The following NKAIN3 variants were observed in gnomAD, a reference collection of about 807,000 sequenced individuals.
NKAIN3 encodes the protein sodium/potassium-transporting ATPase subunit beta-1-interacting protein 3.
Under a neutral mutation model 30.2 loss-of-function variants are expected in NKAIN3, and 25 were observed. The observed-to-expected ratio is 0.83, with a 90% CI of 0.60 to 1.16. NKAIN3 has a LOEUF of 1.16. NKAIN3 is among the 50% of genes most tolerant of loss of function. NKAIN3 has a pLI of 0.00. For synonymous variants in NKAIN3, 91 were observed against 89.6 expected (o/e 1.02, Z -0.09); for missense variants, 225 against 254.1 (o/e 0.89, Z 0.78).
At chr8:62,655,797 C>G (rs1286783329) in intron 3 of NKAIN3, among the ~76,000 whole-genome samples, 1 of 151,768 alleles carries the variant, frequency 6.6e-6, no homozygotes, top group African/African-American at 2.4e-5. Context: ...ATTTTGGTGT[C>G]CAAACAACAG....
chr8:62,467,006 A>G (rs1806184009), intron 1 of NKAIN3, among the ~76,000 whole-genome samples: 1 of 152,140 alleles, frequency 6.6e-6, no homozygotes, highest in African/African-American at 2.4e-5. Context: ...TCCATGGCCT[A>G]ACAATGGGCT....
intron 6 of NKAIN3, among the ~76,000 whole-genome samples, chr8:62,963,246 A>T (rs890038734): frequency 6.6e-6 from 1 of 152,140 alleles, no homozygotes; most frequent in African/African-American, 2.4e-5. Flanking sequence ...CAGGTTTGCC[A>T]ATAGGTTTTC....
intron 3 of NKAIN3, among the ~76,000 whole-genome samples, chr8:62,593,642 T>G (rs1362336338): frequency 1.3e-5 from 2 of 151,624 alleles, no homozygotes; most frequent in African/African-American, 4.8e-5. Context: ...TAGAAAAAAA[T>G]TAAACAATCA....
chr8:62,806,551 A>T (rs1818289433), intron 4 of NKAIN3, among the ~76,000 whole-genome samples: 1 of 152,170 alleles, frequency 6.6e-6, no homozygotes, highest in Non-Finnish European at 1.5e-5. Flanking sequence ...AACTATCAGA[A>T]GGACAAAAAA....
intron 4 of NKAIN3, among the ~76,000 whole-genome samples, chr8:62,782,253 T>C (rs1177832014): frequency 6.6e-6 from 1 of 151,874 alleles, no homozygotes; most frequent in Admixed American, 6.6e-5. Flanking sequence ...TGCCAATTAC[T>C]AAAAAGACAA....
At chr8:62,310,887 G>C (rs1814406199) in intron 1 of NKAIN3, among the ~76,000 whole-genome samples, 1 of 150,352 alleles carries the variant, frequency 6.7e-6, no homozygotes, top group Non-Finnish European at 1.5e-5. Flanking sequence ...TCACTCCAAA[G>C]ATTAAAAATA....
chr8:62,491,465 G>A (rs1323559653), intron 1 of NKAIN3, among the ~76,000 whole-genome samples: 6 of 152,128 alleles, frequency 3.9e-5, no homozygotes, highest in Non-Finnish European at 7.4e-5. Flanking sequence ...GCCCCCACAT[G>A]TGAATGGTCT....
chr8:62,272,327 G>C (rs1392506980), intron 1 of NKAIN3, among the ~76,000 whole-genome samples: 1 of 152,136 alleles, frequency 6.6e-6, no homozygotes, highest in Non-Finnish European at 1.5e-5. Context: ...GGATATGAGT[G>C]TTGTGGTTAC....
chr8:62,555,295 T>C (rs1809352827), intron 1 of NKAIN3, among the ~76,000 whole-genome samples: 1 of 152,068 alleles, frequency 6.6e-6, no homozygotes, highest in Non-Finnish European at 1.5e-5. Flanking sequence ...AATCCACAAA[T>C]ATATTTGACA....
rs1219216301 is a variant in NKAIN3, at chr8:62,981,213, T to G, written c.*15806T>G. The G allele has an allele frequency of 6.6e-6, 1 of 152,170 alleles. No individual in the cohort carries two copies. Among genetic ancestry groups the G allele is most frequent in the Non-Finnish European group, 1.5e-5 (1 of 68,016 alleles). The allele number at this position is 152,170 out of a possible 1,614,324, so 9.4% of individuals were successfully genotyped here. On this transcript the variant is annotated 3_prime_UTR_variant, in exon 7 of 7. Coordinates refer to ENST00000623646, the MANE Select transcript of NKAIN3 (RefSeq NM_001304533.3). ...AGCCTCTTATTTCCACATCTATAAGTATAGTGCTACATAATAATTACAACC... is the reference window on the plus strand; with the variant it reads ...AGCCTCTTATTTCCACATCTATAAGGATAGTGCTACATAATAATTACAACC...
intron 1 of NKAIN3, among the ~76,000 whole-genome samples, chr8:62,477,166 C>T (rs1384033898): frequency 6.6e-6 from 1 of 152,146 alleles, no homozygotes; most frequent in Non-Finnish European, 1.5e-5. Flanking sequence ...TGTGGAAACA[C>T]ACATGGAGCT....
chr8:62,763,640 C>T (rs1446688258), intron 4 of NKAIN3, among the ~76,000 whole-genome samples: 1 of 152,154 alleles, frequency 6.6e-6, no homozygotes, highest in East Asian at 1.9e-4. Context: ...ATGAGCTAAA[C>T]TAATCCAAAT....
intron 3 of NKAIN3, among the ~76,000 whole-genome samples, chr8:62,609,975 C>T (rs534609553): frequency 3.3e-5 from 5 of 151,996 alleles, no homozygotes; most frequent in East Asian, 1.9e-4. Context: ...AGGGGACTGA[C>T]GGGATCAGAA....
At chr8:62,713,811 T>C (rs2130500169) in intron 3 of NKAIN3, among the ~76,000 whole-genome samples, 1 of 152,310 alleles carries the variant, frequency 6.6e-6, no homozygotes, top group Non-Finnish European at 1.5e-5. Flanking sequence ...TTTTAGTTTA[T>C]TGCTTCTGTA....
intron 1 of NKAIN3, among the ~76,000 whole-genome samples, chr8:62,373,942 G>A (rs750476819): frequency 2.0e-5 from 3 of 151,554 alleles, no homozygotes; most frequent in Non-Finnish European, 2.9e-5. Context: ...GTGAAACCCC[G>A]TCTCTACTAA....
At chr8:62,709,413 C>T (rs1005954366) in intron 3 of NKAIN3, among the ~76,000 whole-genome samples, 5 of 152,044 alleles carry the variant, frequency 3.3e-5, no homozygotes, top group Non-Finnish European at 5.9e-5. Flanking sequence ...TTATTTGTCT[C>T]TTCAGGGTAT....
At chr8:62,358,144 A>G (rs1393145241) in intron 1 of NKAIN3, among the ~76,000 whole-genome samples, 1 of 150,730 alleles carries the variant, frequency 6.6e-6, no homozygotes, top group Non-Finnish European at 1.5e-5. Context: ...AGGCATGCAT[A>G]TGGAGGAAAG....
intron 3 of NKAIN3, among the ~76,000 whole-genome samples, chr8:62,593,191 G>A (rs1488381283): frequency 1.3e-5 from 2 of 151,912 alleles, no homozygotes; most frequent in Non-Finnish European, 2.9e-5. Context: ...TGGGCCATAA[G>A]CAAGTCTCAG....
chr8:62,666,335 A>G (rs1219711821), intron 3 of NKAIN3, among the ~76,000 whole-genome samples: 1 of 152,222 alleles, frequency 6.6e-6, no homozygotes, highest in Non-Finnish European at 1.5e-5. Flanking sequence ...CATTCCAACT[A>G]TAAACTTTTT....
Sources: gnomAD v4.1 joint callset for allele counts (sites outside exome capture counted in the v4.1 genomes callset) on GRCh38, gnomAD v4.1.1 for gene constraint, MANE v1.5 for transcripts, NCBI Gene and HGNC (gene_info 2026-07-23, HGNC 2026-07-21) for gene names.